Variants in CLCNKB observed in about 807,000 individuals in gnomAD.
The protein encoded by CLCNKB is chloride voltage-gated channel Kb, also known as chloride channel protein ClC-Kb.
Under a neutral mutation model 83.8 loss-of-function variants are expected in CLCNKB, and 74 were observed. The observed-to-expected ratio is 0.88, with a 90% confidence interval of 0.73 to 1.07. The LOEUF is 1.07. Ranked by LOEUF, CLCNKB falls within the 50% of genes least tolerant of loss-of-function variation. The pLI, the probability that CLCNKB is intolerant of heterozygous loss-of-function variation, is 0.00. For synonymous variants in CLCNKB, 358 were observed against 356.6 expected (o/e 1.00, Z -0.04); for missense variants, 798 against 893.6 (o/e 0.89, Z 1.36).
chr1:16,054,445 C>A (rs188766455), intron 16 of CLCNKB, among the ~76,000 whole-genome samples: 1 of 152,120 alleles, frequency 6.6e-6, no homozygotes, highest in Admixed American at 6.5e-5. Context: ...TATGGGTCAC[C>A]CCTATGCCCA....
At chr1:16,056,574 A>T in intron 19 of CLCNKB, 66 bp downstream of exon 19, 4 of 170,044 alleles carry the variant, frequency 2.4e-5, no homozygotes, top group Non-Finnish European at 4.7e-5. Flanking sequence ...GGAGGTGGGG[A>T]GGTGGGGTGG....
At chr1:16,053,065 C>G (rs1192924085) in intron 15 of CLCNKB, among the ~76,000 whole-genome samples, 2 of 151,180 alleles carry the variant, frequency 1.3e-5, no homozygotes, top group East Asian at 1.9e-4. Flanking sequence ...GAATCTCACT[C>G]TGTTTCACAG....
chr1:16,053,757 C>A lies in CLCNKB; in HGVS notation c.1741C>A (p.Leu581Met), dbSNP rs2275167. The change falls in exon 16 of 20, where the codon CTG becomes ATG. Residue 581 changes from leucine (L) to methionine (M), a missense_variant. Physicochemically the swap from Leu to Met is conservative, Grantham distance 15. Coordinates refer to ENST00000375679, the MANE Select transcript of CLCNKB (RefSeq NM_000085.5). Reference protein sequence around the residue: ...VTSTDVAKYPLVESTESQILV... With the variant: ...VTSTDVAKYPMVESTESQILV... ...CTCCACAGACGTGGCCAAGTATCCC[C>A]TGGTGGAGAGCACAGGTGCCCAGCC... 6.2e-7 allele frequency: 1 copy of A among 1,613,180 alleles called. No individual in the cohort carries two copies. The highest frequency in any genetic ancestry group is 8.5e-7 in the Non-Finnish European group (1 of 1,179,712).
chr1:16,044,539 T>G lies in CLCNKB; in HGVS notation c.47T>G (p.Val16Gly). The G allele has an allele frequency of 6.2e-7, 1 of 1,607,322 alleles. No individual in the cohort carries two copies. The highest frequency in any genetic ancestry group is 1.3e-5 in the African/African-American group (1 of 74,982). The part of the protein sequence containing the change: ...GLREGSSGNP[V>G]TLQELWGPCP... ...CGTGAAGGCTCCTCAGGGAACCCTG[T>G]GACTCTGCAGGAGCTGTGGGGCCCC... is the stretch of plus-strand genomic sequence containing the variant. Residue 16 changes from valine to glycine, a missense_variant, in exon 2 of 20, where the codon GTG becomes GGG. Coordinates refer to ENST00000375679, the MANE Select transcript of CLCNKB (RefSeq NM_000085.5).
intron 1 of CLCNKB, 108 bp from the exon 2 acceptor site, chr1:16,044,378 C>CACACACACAG: frequency 2.7e-6 from 2 of 739,306 alleles, no homozygotes; most frequent in African/African-American, 1.7e-5. Context: ...CACACACACA[C>CACACACACAG]GCACAATCTT....
intron 18 of CLCNKB, 71 bp downstream of exon 18, chr1:16,055,829 G>T: frequency 6.9e-7 from 1 of 1,454,370 alleles, no homozygotes; most frequent in Non-Finnish European, 9.6e-7. Flanking sequence ...AGGAGCTCAC[G>T]CTCCAGCCTC....
chr1:16,052,963 T>C (rs1364551488), intron 15 of CLCNKB, among the ~76,000 whole-genome samples: 1 of 152,138 alleles, frequency 6.6e-6, no homozygotes, highest in Non-Finnish European at 1.5e-5. Context: ...CCCGTTTCCC[T>C]ATCTGGAAAA....
Position 16,055,543 on chromosome 1 carries a change from A to C in CLCNKB, c.1845+20A>C, listed in dbSNP as rs1570345109. ...CACCAGGTGGGTACTCCTGAGGGGCATGGGGATGGGGCGGGGGTGGGTCAG... is the reference window on the plus strand; with the variant it reads ...CACCAGGTGGGTACTCCTGAGGGGCCTGGGGATGGGGCGGGGGTGGGTCAG... On this transcript the variant is annotated intron_variant, in intron 17 of 19. Transcript: ENST00000375679. The C allele has an allele frequency of 3.2e-6, 2 of 623,732 alleles. No individual in the cohort carries two copies. The highest frequency in any genetic ancestry group is 5.9e-6 in the Non-Finnish European group (2 of 339,518). 38.6% of individuals were successfully genotyped at this position (623,732 alleles called of 1,614,324 possible). A position where few individuals can be genotyped will look rare whatever the true frequency, so the allele number is the denominator to read the frequency against.
chr1:16,049,928 G>C lies in CLCNKB; in HGVS notation c.968+12G>C. The C allele has an allele frequency of 6.2e-7, 1 of 1,610,908 alleles. No individual in the cohort carries two copies. Among genetic ancestry groups the C allele is most frequent in the East Asian group, 2.2e-5 (1 of 44,864 alleles). Reference sequence around the variant, plus strand: ...CTGCTGGCCACCAGGTAGGCTCCGGGCTAAGGGCTGGGGACCTCTCAGCGA... The same window carrying C: ...CTGCTGGCCACCAGGTAGGCTCCGGCCTAAGGGCTGGGGACCTCTCAGCGA... On this transcript the variant is annotated intron_variant, in intron 10 of 19. Coordinates refer to ENST00000375679, the MANE Select transcript of CLCNKB (RefSeq NM_000085.5).
chr1:16,056,346 G>C (rs1385975695), intron 18 of CLCNKB, 76 bp from the exon 19 acceptor site: 1 of 1,439,114 alleles, frequency 6.9e-7, no homozygotes, highest in Non-Finnish European at 9.8e-7. Flanking sequence ...TCCTGGCTCA[G>C]AGGCGTGGTG....
At position 16,056,432 on chromosome 1, in the gene CLCNKB, T is replaced by C. The variant is rs200846744; in HGVS notation, c.1940T>C (p.Leu647Pro). Residue 647 changes from leucine to proline, a missense_variant, in exon 19 of 20, where the codon CTC (leucine) becomes CCC (proline). Leu to Pro is a moderately conservative substitution (Grantham distance 98). Transcript: ENST00000375679. ...PETSLHEAHNLFELLNLHSLF... is the reference protein window; with the variant it reads ...PETSLHEAHNPFELLNLHSLF... ...ACATCCCCCATCCAGGCACACAACC[T>C]CTTTGAGCTGTTGAACCTTCATTCC... 1.2e-6 allele frequency: 2 copies of C among 1,613,976 alleles called. No homozygotes were observed. The highest frequency in any genetic ancestry group is 2.7e-5 in the African/African-American group (2 of 74,944).
At chr1:16,054,511 G>A (rs145187855) in intron 16 of CLCNKB, among the ~76,000 whole-genome samples, 1 of 152,144 alleles carries the variant, frequency 6.6e-6, no homozygotes, top group African/African-American at 2.4e-5. Flanking sequence ...TACCACTTAA[G>A]CTCTATGTAC....
intron 7 of CLCNKB, 186 bp downstream of exon 7, chr1:16,048,768 G>A: frequency 1.4e-6 from 2 of 1,465,122 alleles, no homozygotes; most frequent in Non-Finnish European, 1.8e-6. Context: ...CTTGATTGGC[G>A]GTGCTAAGAG....
At chr1:16,044,692 C>T in intron 2 of CLCNKB, 100 bp downstream of exon 2, 2 of 1,026,354 alleles carry the variant, frequency 1.9e-6, no homozygotes, top group Admixed American at 4.0e-5. Flanking sequence ...CCACCCTCCT[C>T]CTGGCATTTG....
At chr1:16,044,648 T>C in intron 2 of CLCNKB, 56 bp downstream of exon 2, 1 of 1,427,682 alleles carries the variant, frequency 7.0e-7, no homozygotes, top group Admixed American at 2.0e-5. Context: ...ACATCATTCC[T>C]GCCCAGCTCC....
At chr1:16,052,059 C>G (rs2023311556) in intron 14 of CLCNKB, 139 bp from the exon 15 acceptor site, 1 of 1,148,804 alleles carries the variant, frequency 8.7e-7, no homozygotes, top group Non-Finnish European at 1.3e-6. Flanking sequence ...CAAGCCCAGG[C>G]ACTGGGCACT....
chr1:16,048,134 G>A, intron 5 of CLCNKB, 90 bp downstream of exon 5: 3 of 1,518,458 alleles, frequency 2.0e-6, no homozygotes, highest in Non-Finnish European at 2.7e-6. Flanking sequence ...CTGCGTCAGA[G>A]GGGACTTGGG....
intron 4 of CLCNKB, among the ~76,000 whole-genome samples, chr1:16,046,968 A>G (rs2023121481): frequency 6.6e-6 from 1 of 152,180 alleles, no homozygotes; most frequent in Admixed American, 6.5e-5. Flanking sequence ...CAGGCCGCTC[A>G]GCCCTGCCTC....
chr1:16,056,962 T>A lies in CLCNKB; in HGVS notation c.*46T>A, dbSNP rs752957494. 28 of 1,579,466 alleles carry A rather than the reference T, an allele frequency of 1.8e-5. No individual in the cohort carries two copies. The highest frequency in any genetic ancestry group is 2.3e-5 in the Non-Finnish European group (27 of 1,150,870). On this transcript the variant is annotated 3_prime_UTR_variant, in exon 20 of 20. Coordinates refer to ENST00000375679, the MANE Select transcript of CLCNKB (RefSeq NM_000085.5). ...CAGGGCACCCCAGCTGACCTGGTAC[T>A]GAGGTTGGGCTGAGACCCTGCTTCT...
Sources: gnomAD v4.1 joint callset for allele counts (sites outside exome capture counted in the v4.1 genomes callset) on GRCh38, gnomAD v4.1.1 for gene constraint, MANE v1.5 for transcripts, NCBI Gene and HGNC (gene_info 2026-07-23, HGNC 2026-07-21) for gene names.